Variants in DPYD observed in about 807,000 individuals in gnomAD.
The protein encoded by DPYD is dihydropyrimidine dehydrogenase [NADP(+)].
DPYD carries 109 observed loss-of-function variants against 116.2 expected under a neutral mutation model. The ratio of observed to expected loss-of-function variants is 0.94; its 90% confidence interval spans 0.80 to 1.10. DPYD has a LOEUF of 1.10. Among genes scored for constraint, DPYD ranks in the 50% least tolerant of loss-of-function variants. DPYD has a pLI of 0.00. For missense variants in DPYD, 1,302 were observed against 1,254.5 expected, an observed-to-expected ratio of 1.04 and a Z score of -0.57; for synonymous variants, 440 against 432.0, an observed-to-expected ratio of 1.02 and a Z score of -0.23.
intron 8 of DPYD, among the ~76,000 whole-genome samples, chr1:97,637,220 A>G (rs1657619751): frequency 6.6e-6 from 1 of 152,070 alleles, no homozygotes; most frequent in African/African-American, 2.4e-5. Flanking sequence ...CACCTCATAA[A>G]TGAACATTAT....
chr1:97,675,596 CTT>C (rs1225966977), intron 8 of DPYD, among the ~76,000 whole-genome samples: 3 of 152,092 alleles, frequency 2.0e-5, no homozygotes, highest in African/African-American at 7.2e-5. Context: ...ACAGACTTGA[CTT>C]AATACAATGG....
At chr1:97,817,853 G>T (rs1668709376) in intron 3 of DPYD, among the ~76,000 whole-genome samples, 1 of 151,866 alleles carries the variant, frequency 6.6e-6, no homozygotes, top group African/African-American at 2.4e-5. Flanking sequence ...TTCAATTATG[G>T]ATACTTAAAA....
At chr1:97,828,003 C>T in intron 3 of DPYD, 111 bp downstream of exon 3, 1 of 1,062,798 alleles carries the variant, frequency 9.4e-7, no homozygotes, top group Non-Finnish European at 1.4e-6. Context: ...AAATTAATAC[C>T]TTAGAGAACA....
At position 97,343,948 on chromosome 1, in the gene DPYD, T is replaced by C. The variant is rs376267587; in HGVS notation, c.2058+29613A>G. ...ATTTACTCCAATGGTAAATGGTAAATAGTTTCATGTGCTGTTTCCATGGTA... is the reference window on the plus strand; with the variant it reads ...ATTTACTCCAATGGTAAATGGTAAACAGTTTCATGTGCTGTTTCCATGGTA... On this transcript the variant is annotated intron_variant, in intron 16 of 22. Coordinates refer to ENST00000370192, the MANE Select transcript of DPYD (RefSeq NM_000110.4). Among the ~76,000 whole-genome samples, 20 of 152,096 alleles carry C rather than the reference T, an allele frequency of 1.3e-4. No individual in the cohort carries two copies. In the East Asian group the frequency reaches 3.9e-3, roughly 29 times the overall value.
chr1:97,368,498 T>C (rs1671155512), intron 16 of DPYD, among the ~76,000 whole-genome samples: 1 of 152,208 alleles, frequency 6.6e-6, no homozygotes, highest in Admixed American at 6.5e-5. Flanking sequence ...TGAGAAGTCC[T>C]GTGGAGCATG....
chr1:97,630,775 T>C (rs939817385), intron 8 of DPYD, among the ~76,000 whole-genome samples: 29 of 152,090 alleles, frequency 1.9e-4, no homozygotes, highest in Non-Finnish European at 3.1e-4. Context: ...AAAAGATAAG[T>C]TCTATAATAG....
At chr1:97,144,857 T>TATAA (rs1159160053) in intron 20 of DPYD, among the ~76,000 whole-genome samples, 1 of 152,228 alleles carries the variant, frequency 6.6e-6, no homozygotes, top group African/African-American at 2.4e-5. Context: ...CACTTTCTTA[T>TATAA]GCACACAGAA....
At chr1:97,347,938 G>C (rs377028800) in intron 16 of DPYD, among the ~76,000 whole-genome samples, 2 of 152,140 alleles carry the variant, frequency 1.3e-5, no homozygotes, top group African/African-American at 4.8e-5. Context: ...TGGAAGGCCA[G>C]CTTTCTCTTG....
intron 13 of DPYD, among the ~76,000 whole-genome samples, chr1:97,479,697 G>GA (rs1557740786): frequency 6.6e-6 from 1 of 152,120 alleles, no homozygotes; most frequent in African/African-American, 2.4e-5. Flanking sequence ...TGTAAAAGAA[G>GA]AAAAAATACA....
intron 21 of DPYD, among the ~76,000 whole-genome samples, chr1:97,097,448 A>G (rs1204805544): frequency 1.3e-5 from 2 of 152,334 alleles, no homozygotes; most frequent in African/African-American, 4.8e-5. Context: ...TATTTCAAAC[A>G]GAAAATGGAG....
chr1:97,292,732 ACAC>A (rs1666292357), intron 18 of DPYD, among the ~76,000 whole-genome samples: 2 of 151,698 alleles, frequency 1.3e-5, no homozygotes, highest in Non-Finnish European at 2.9e-5. Context: ...GCACACACAC[ACAC>A]ACACACACAC....
intron 15 of DPYD, among the ~76,000 whole-genome samples, chr1:97,381,638 T>C (rs373281048): frequency 2.0e-5 from 3 of 152,288 alleles, no homozygotes; most frequent in South Asian, 2.1e-4. Flanking sequence ...ACAGACAGCT[T>C]TGCAATATTT....
chr1:97,196,056 G>C (rs1208701464), intron 19 of DPYD, among the ~76,000 whole-genome samples: 2 of 151,874 alleles, frequency 1.3e-5, no homozygotes, highest in Non-Finnish European at 2.9e-5. Context: ...CCTGTAAGAG[G>C]AAGAGGCGAG....
chr1:97,714,655 C>CAAA (rs1193831747), intron 5 of DPYD, among the ~76,000 whole-genome samples: 117 of 49,678 alleles, frequency 2.4e-3, no homozygotes, highest in East Asian at 4.0e-3. Flanking sequence ...AAAGAAAAGA[C>CAAA]AAAAAAAAAA....
chr1:97,799,833 G>GT (rs1463251882), intron 3 of DPYD, among the ~76,000 whole-genome samples: 1 of 151,924 alleles, frequency 6.6e-6, no homozygotes, highest in Non-Finnish European at 1.5e-5. Context: ...GGGAAAGAAA[G>GT]TTCACGTTGC....
intron 1 of DPYD, among the ~76,000 whole-genome samples, chr1:97,914,337 T>G (rs11165928): frequency 3.3e-5 from 5 of 152,170 alleles, no homozygotes; most frequent in African/African-American, 1.2e-4. Context: ...AAAAAAATTG[T>G]TTTTGAAGCT....
In DPYD at chr1:97,305,335, C is replaced by T. The variant is rs1397691452; in HGVS notation, c.2223G>A (p.Leu741=). Residue 741 remains leucine (L), a synonymous_variant, in exon 18 of 23, where the codon CTG becomes CTA. Coordinates refer to ENST00000370192, the MANE Select transcript of DPYD (RefSeq NM_000110.4). ...GVTATNTVSG[L]MGLKSDGTPW... is the part of the protein sequence containing the mutation. ...GTGTGCCATCAGATTTTAATCCCAT[C>T]AGACCTGAGACAGTGTTGGTGGCTG... is the stretch of plus-strand genomic sequence containing the variant. The T allele has an allele frequency of 1.2e-6, 2 of 1,612,494 alleles. No homozygotes were observed.
At chr1:97,194,085 T>G (rs921715899) in intron 19 of DPYD, among the ~76,000 whole-genome samples, 3 of 152,216 alleles carry the variant, frequency 2.0e-5, no homozygotes, top group Non-Finnish European at 2.9e-5. Flanking sequence ...CACTATATTA[T>G]CTGCAGTGAC....
At chr1:97,514,654 G>GA (rs1447205548) in intron 13 of DPYD, among the ~76,000 whole-genome samples, 2 of 151,464 alleles carry the variant, frequency 1.3e-5, no homozygotes, top group East Asian at 1.9e-4. Context: ...TGATCTATTT[G>GA]AAAAAATAAC....
Sources: gnomAD v4.1 joint callset for allele counts (sites outside exome capture counted in the v4.1 genomes callset) on GRCh38, gnomAD v4.1.1 for gene constraint, MANE v1.5 for transcripts, NCBI Gene and HGNC (gene_info 2026-07-23, HGNC 2026-07-21) for gene names.